The following PDE11A variants were observed in gnomAD, a reference collection of about 807,000 sequenced individuals.
The protein encoded by PDE11A is phosphodiesterase 11A.
PDE11A carries 100 observed loss-of-function variants against 100.5 expected under a neutral mutation model. The observed-to-expected ratio is 1.00, with a 90% CI of 0.85 to 1.18. The LOEUF is 1.18. Among genes scored for constraint, PDE11A ranks in the 50% most tolerant of loss-of-function variants. The probability of loss-of-function intolerance (pLI) is 0.00; values close to 1 mark genes in which losing one functional copy is unlikely to be tolerated. For missense variants in PDE11A, 1,141 were observed against 1,152.6 expected (o/e 0.99, Z 0.15); for synonymous variants, 381 against 420.8 (o/e 0.91, Z 1.16).
At chr2:177,774,492 C>G (rs2082352636) in intron 9 of PDE11A, among the ~76,000 whole-genome samples, 1 of 152,206 alleles carries the variant, frequency 6.6e-6, no homozygotes, top group African/African-American at 2.4e-5. Context: ...TTCTGGGCTT[C>G]CATGACACCA....
rs2105427335 is a variant in PDE11A at position 177,629,051 on chromosome 2, G to A, written c.*356C>T. 2 of 322,258 alleles carry A rather than the reference G, an allele frequency of 6.2e-6. No individual in the cohort carries two copies. Among genetic ancestry groups the A allele is most frequent in the South Asian group, 3.2e-5 (1 of 31,312 alleles). The allele number at this position is 322,258 out of a possible 1,614,324, so 20.0% of individuals were successfully genotyped here. On this transcript the variant is annotated 3_prime_UTR_variant, in exon 20 of 20. Transcript: ENST00000286063. Reference sequence around the variant, plus strand: ...AAAGCCCTATACAAAACGAAGCAGCGCTAATGACGCTTTTACTGTTCAGTG... The same window carrying A: ...AAAGCCCTATACAAAACGAAGCAGCACTAATGACGCTTTTACTGTTCAGTG...
rs575241849 is a variant in PDE11A at position 177,967,662 on chromosome 2, A to G, written c.1071+46640T>C. On this transcript the variant is annotated intron_variant, in intron 2 of 19. Transcript: ENST00000286063. ...AAGTACTGAATAAACCTCAGCCTCTAAAACCTGGCCCCAATCTACTGTCTC... is the reference window on the plus strand; with the variant it reads ...AAGTACTGAATAAACCTCAGCCTCTGAAACCTGGCCCCAATCTACTGTCTC... 1.0e-3 allele frequency among the ~76,000 whole-genome samples: 158 copies of G among 152,140 alleles called. 2 individuals carry two copies. Among genetic ancestry groups the G allele is most frequent in the Middle Eastern group, 0.01 (3 of 294 alleles).
chr2:177,765,568 G>A (rs191450897), intron 10 of PDE11A, among the ~76,000 whole-genome samples: 63 of 152,294 alleles, frequency 4.1e-4, no homozygotes, highest in East Asian at 7.7e-4. Flanking sequence ...GCCCTGCCAC[G>A]GGTCCGTAGT....
chr2:177,869,131 T>G (rs975987805), intron 5 of PDE11A, among the ~76,000 whole-genome samples: 1 of 152,198 alleles, frequency 6.6e-6, no homozygotes, highest in Non-Finnish European at 1.5e-5. Context: ...GGGTTCAAAC[T>G]CACACACTAA....
intron 2 of PDE11A, among the ~76,000 whole-genome samples, chr2:178,095,081 C>T (rs1174859252): frequency 4.6e-5 from 7 of 152,118 alleles, no homozygotes; most frequent in African/African-American, 1.4e-4. Context: ...ATCATTTTTA[C>T]GTTGCAAAAC....
intron 2 of PDE11A, chr2:177,997,534 A>G (rs763658013): frequency 4.9e-6 from 4 of 824,320 alleles, no homozygotes; most frequent in Non-Finnish European, 8.6e-6. Flanking sequence ...CAACAACTTT[A>G]ATTTTGTTCT....
chr2:177,932,280 G>A (rs899711312), intron 2 of PDE11A, among the ~76,000 whole-genome samples: 4 of 152,080 alleles, frequency 2.6e-5, no homozygotes, highest in Non-Finnish European at 4.4e-5. Flanking sequence ...AAATTGAAGA[G>A]GAGGGATTCT....
At chr2:177,927,997 G>A (rs56300810) in intron 2 of PDE11A, among the ~76,000 whole-genome samples, 4,081 of 151,638 alleles carry the variant, frequency 0.027, 155 homozygotes, top group African/African-American at 0.093. Context: ...CCAGCTACTC[G>A]GGAGGCTGAG....
chr2:177,989,461 A>G (rs11695211), intron 2 of PDE11A, among the ~76,000 whole-genome samples: 74,182 of 152,056 alleles, frequency 0.49, 21,581 homozygotes, highest in Non-Finnish European at 0.62. Flanking sequence ...CTTTTTCTGT[A>G]AATTCCTTTA....
chr2:178,047,022 G>T (rs1445614013), intron 1 of PDE11A, among the ~76,000 whole-genome samples: 6 of 151,716 alleles, frequency 4.0e-5, no homozygotes, highest in Non-Finnish European at 8.8e-5. Context: ...GAATAATTAT[G>T]CAGAAAAACT....
rs2087151767 is a variant in PDE11A at position 178,072,566 on chromosome 2, T to G, written c.-129A>C. 1 of 1,535,758 alleles carries G rather than the reference T, an allele frequency of 6.5e-7. No homozygotes were observed. Among genetic ancestry groups the G allele is most frequent in the Non-Finnish European group, 8.7e-7 (1 of 1,147,508 alleles). ...AGTTCAGCGCCACCTCCCCTGGAGATTATTCCCAGCAGTGGAATCTGGGAG... is the reference window on the plus strand; with the variant it reads ...AGTTCAGCGCCACCTCCCCTGGAGAGTATTCCCAGCAGTGGAATCTGGGAG... On this transcript the variant is annotated 5_prime_UTR_variant, in exon 1 of 20. Transcript: ENST00000286063.
intron 3 of PDE11A, among the ~76,000 whole-genome samples, chr2:177,902,028 T>C (rs1345956279): frequency 1.3e-5 from 2 of 152,160 alleles, no homozygotes; most frequent in East Asian, 1.9e-4. Flanking sequence ...AGCTCCAGGA[T>C]AGGAGAAAAA....
chr2:177,732,533 C>T lies in PDE11A; in HGVS notation c.1789-4361G>A, dbSNP rs78907165. On this transcript the variant is annotated intron_variant, in intron 10 of 19. Coordinates refer to ENST00000286063, the MANE Select transcript of PDE11A (RefSeq NM_016953.4). ...TGGTGATAGAGGCAGCACTACTCCA[C>T]TCCAGGTGGCCCCTGTCTTGTAGAT... Among the ~76,000 whole-genome samples the T allele has an allele frequency of 3.2e-3, 493 of 152,306 alleles. 5 individuals carry two copies. The East Asian group carries it at 0.047, about 15-fold the overall frequency.
chr2:177,640,727 T>A (rs2080129309), intron 19 of PDE11A, among the ~76,000 whole-genome samples: 2 of 152,238 alleles, frequency 1.3e-5, no homozygotes, highest in South Asian at 2.1e-4. Context: ...GCCTTCTACT[T>A]TTTTATGGGT....
intron 9 of PDE11A, among the ~76,000 whole-genome samples, chr2:177,780,237 A>T (rs1209085001): frequency 1.3e-5 from 2 of 152,080 alleles, no homozygotes; most frequent in East Asian, 3.9e-4. Flanking sequence ...AGCAGAGTAG[A>T]TTTAGCATAA....
At chr2:177,780,951 A>G (rs1010301783) in intron 9 of PDE11A, among the ~76,000 whole-genome samples, 4 of 152,202 alleles carry the variant, frequency 2.6e-5, no homozygotes, top group Non-Finnish European at 5.9e-5. Flanking sequence ...AGCATTTTTA[A>G]TTTCCTTCAA....
intron 2 of PDE11A, among the ~76,000 whole-genome samples, chr2:177,923,141 T>G (rs2695734): frequency 0.35 from 53,153 of 151,556 alleles, 11,074 homozygotes; most frequent in East Asian, 0.53. Context: ...ACTTTTATAT[T>G]AAATATTTTT....
intron 2 of PDE11A, among the ~76,000 whole-genome samples, chr2:177,995,071 A>T (rs1465176347): frequency 6.6e-6 from 1 of 152,208 alleles, no homozygotes; most frequent in African/African-American, 2.4e-5. Flanking sequence ...GAGTTTACAA[A>T]TATGCTTATA....
In PDE11A at chr2:177,664,179, C is replaced by T. The variant is rs573847530; in HGVS notation, c.2563-230G>A. 2.6e-5 allele frequency among the ~76,000 whole-genome samples: 4 copies of T among 152,230 alleles called. No individual in the cohort carries two copies. In the South Asian group the frequency reaches 8.3e-4, roughly 32 times the overall value. On this transcript the variant is annotated intron_variant, in intron 18 of 19. Coordinates refer to ENST00000286063, the MANE Select transcript of PDE11A (RefSeq NM_016953.4). ...AAATTTACTTGAACTTTCTAGCGTG[C>T]AACTTCTTGGGGCAAAAACCTGTCT... is the stretch of plus-strand genomic sequence containing the variant.
Sources: gnomAD v4.1 joint callset for allele counts (sites outside exome capture counted in the v4.1 genomes callset) on GRCh38, gnomAD v4.1.1 for gene constraint, MANE v1.5 for transcripts, NCBI Gene and HGNC (gene_info 2026-07-23, HGNC 2026-07-21) for gene names.